TNKS: variants seen among roughly 807,000 people sequenced by gnomAD.
The protein encoded by TNKS is tankyrase, also known as poly [ADP-ribose] polymerase tankyrase-1.
Under a neutral mutation model 135.8 loss-of-function variants are expected in TNKS, and 72 were observed. That is an observed-to-expected ratio of 0.53 (90% confidence interval 0.44 to 0.64). The LOEUF (loss-of-function observed/expected upper bound fraction) is 0.64, where lower values mean the gene tolerates loss of function less well. TNKS is among the 30% of genes least tolerant of loss of function. The pLI is 0.00. For synonymous variants in TNKS, 849 were observed against 649.3 expected, an observed-to-expected ratio of 1.31 and a Z score of -4.68; for missense variants, 1,769 against 1,674.0, an observed-to-expected ratio of 1.06 and a Z score of -0.99.
At chr8:9,711,144 A>G (rs548609673) in intron 11 of TNKS, among the ~76,000 whole-genome samples, 28 of 152,182 alleles carry the variant, frequency 1.8e-4, no homozygotes, top group Non-Finnish European at 3.2e-4. Flanking sequence ...TAGACTCCCT[A>G]TGGAGCATAC....
At chr8:9,598,951 C>G (rs949979666) in intron 2 of TNKS, among the ~76,000 whole-genome samples, 1 of 151,316 alleles carries the variant, frequency 6.6e-6, no homozygotes, top group African/African-American at 2.4e-5. Flanking sequence ...TGAAGTGTTT[C>G]TCATGTTTAT....
At chr8:9,654,293 T>C (rs960270363) in intron 3 of TNKS, among the ~76,000 whole-genome samples, 2 of 152,220 alleles carry the variant, frequency 1.3e-5, no homozygotes, top group South Asian at 2.1e-4. Context: ...CCTACTGTGC[T>C]TTTCTATTTA....
chr8:9,663,717 C>T (rs1003455397), intron 3 of TNKS, among the ~76,000 whole-genome samples: 1 of 152,170 alleles, frequency 6.6e-6, no homozygotes, highest in Non-Finnish European at 1.5e-5. Context: ...GCCCACAGAA[C>T]TCAGGAAGAT....
At chr8:9,708,550 T>C in intron 9 of TNKS, 58 bp downstream of exon 9, 2 of 1,374,588 alleles carry the variant, frequency 1.5e-6, no homozygotes, top group Non-Finnish European at 1.9e-6. Context: ...AAGCACAAAA[T>C]ATGATTTTCA....
chr8:9,679,013 T>A (rs918151972), intron 3 of TNKS, among the ~76,000 whole-genome samples: 2 of 152,190 alleles, frequency 1.3e-5, no homozygotes, highest in African/African-American at 2.4e-5. Context: ...TCCTTGTCCT[T>A]CAATTGAGCT....
intron 2 of TNKS, among the ~76,000 whole-genome samples, chr8:9,591,182 A>C (rs564222436): frequency 2.0e-4 from 31 of 152,356 alleles, no homozygotes; most frequent in Non-Finnish European, 4.0e-4. Flanking sequence ...CTGTAAGCTT[A>C]GTAATAATTT....
chr8:9,776,420 T>A (rs993930369), intron 26 of TNKS, among the ~76,000 whole-genome samples: 2 of 152,222 alleles, frequency 1.3e-5, no homozygotes, highest in African/African-American at 4.8e-5. Flanking sequence ...TGGAGCTTAA[T>A]TGACAGTATT....
intron 3 of TNKS, among the ~76,000 whole-genome samples, chr8:9,673,123 C>A (rs967988331): frequency 1.3e-5 from 2 of 152,158 alleles, no homozygotes; most frequent in Non-Finnish European, 2.9e-5. Context: ...ACAATTGACA[C>A]CACATCAGAA....
intron 1 of TNKS, among the ~76,000 whole-genome samples, chr8:9,578,503 G>A (rs1423849078): frequency 6.6e-6 from 1 of 152,016 alleles, no homozygotes; most frequent in Non-Finnish European, 1.5e-5. Flanking sequence ...TATTTTCTAC[G>A]GAAACCTCAT....
At position 9,779,460 on chromosome 8, in the gene TNKS, C is replaced by T. The variant is rs1186065084; in HGVS notation, c.*2724C>T. 1.3e-5 allele frequency: 2 copies of T among 152,178 alleles called. No homozygotes were observed. The highest frequency in any genetic ancestry group is 1.9e-4 in the East Asian group (1 of 5,200). The allele number at this position is 152,178 out of a possible 1,614,324, so 9.4% of individuals were successfully genotyped here. Reference sequence around the variant, plus strand: ...TCTGAACGTCTCCACCGGCTCTACCCGAGTTCCAAAACTAAAGGGCTTCTC... The same window carrying T: ...TCTGAACGTCTCCACCGGCTCTACCTGAGTTCCAAAACTAAAGGGCTTCTC... On this transcript the variant is annotated 3_prime_UTR_variant, in exon 27 of 27. Coordinates refer to ENST00000310430, the MANE Select transcript of TNKS (RefSeq NM_003747.3).
intron 2 of TNKS, among the ~76,000 whole-genome samples, chr8:9,595,487 A>C (rs1340791121): frequency 1.3e-5 from 2 of 151,950 alleles, no homozygotes; most frequent in African/African-American, 4.8e-5. Context: ...AGTAGTGTGC[A>C]TTTACCTGAT....
At chr8:9,670,580 C>G (rs1563156927) in intron 3 of TNKS, 1 of 152,096 alleles carries the variant, frequency 6.6e-6, no homozygotes, top group East Asian at 1.9e-4. Flanking sequence ...GGAGTCATTC[C>G]TCCTCTTTTG....
chr8:9,749,203 C>G (rs1029481251), intron 18 of TNKS, among the ~76,000 whole-genome samples: 4 of 152,160 alleles, frequency 2.6e-5, no homozygotes, highest in Non-Finnish European at 5.9e-5. Flanking sequence ...AATTTCGTGG[C>G]CATCTTTAAT....
chr8:9,591,443 G>A (rs975423857), intron 2 of TNKS, among the ~76,000 whole-genome samples: 2 of 152,222 alleles, frequency 1.3e-5, no homozygotes, highest in East Asian at 1.9e-4. Flanking sequence ...ATGGATCCCT[G>A]AGAGTGGGAT....
rs1319419715 is a variant in TNKS at position 9,657,329 on chromosome 8, C to T, written c.995-22622C>T. Among the ~76,000 whole-genome samples the T allele has an allele frequency of 3.9e-4, 27 of 68,806 alleles. 1 individual carries two copies. Among genetic ancestry groups the T allele is most frequent in the South Asian group, 7.3e-4 (1 of 1,376 alleles). 45.1% of individuals were successfully genotyped at this position (68,806 alleles called of 152,430 possible). On this transcript the variant is annotated intron_variant, in intron 3 of 26. Coordinates refer to ENST00000310430, the MANE Select transcript of TNKS (RefSeq NM_003747.3). ...CCCCCCACCTCCCTCCCAGACGGGG[C>T]GGCTGGCCGGGCAGAGGGGCTCCTC...
chr8:9,726,584 C>A, intron 12 of TNKS, 57 bp from the exon 13 acceptor site: 1 of 1,252,670 alleles, frequency 8.0e-7, no homozygotes. Flanking sequence ...AAAATCAATG[C>A]AGTTGGAATA....
At chr8:9,654,214 A>G (rs139067657) in intron 3 of TNKS, among the ~76,000 whole-genome samples, 175 of 152,318 alleles carry the variant, frequency 1.1e-3, no homozygotes, top group African/African-American at 4.0e-3. Flanking sequence ...GAGGAGAGCA[A>G]TTCCCCAAAT....
rs190084000 is a variant in TNKS at position 9,762,997 on chromosome 8, C to T, written c.3275-150C>T. On this transcript the variant is annotated intron_variant, in intron 21 of 26. Transcript: ENST00000310430. ...TTTGAGTATATTTGTTTAAAGTAAC[C>T]GAATTTATCAGGTTCAAATTGCAGA... 3.9e-3 allele frequency: 1,559 copies of T among 402,064 alleles called. 6 individuals carry two copies. Among genetic ancestry groups the T allele is most frequent in the Non-Finnish European group, 5.6e-3 (1,289 of 230,186 alleles). The allele number at this position is 402,064 out of a possible 1,614,324, so 24.9% of individuals were successfully genotyped here. A position where few individuals can be genotyped will look rare whatever the true frequency, so the allele number is the denominator to read the frequency against.
rs1804160215 is a variant in TNKS at position 9,708,468 on chromosome 8, A to G, written c.1554A>G (p.Gln518=). ...TLALEIINFK[Q]PQSHETALHC... The stretch of plus-strand genomic sequence containing the variant: ...CTCTGGAAATCATTAATTTCAAACA[A>G]CCGCAGTCTCATGAAACAGCACTGG... Residue 518 remains glutamine (Q), a synonymous_variant, in exon 9 of 27, where the codon CAA becomes CAG. Coordinates refer to ENST00000310430, the MANE Select transcript of TNKS (RefSeq NM_003747.3). 1 of 1,607,526 alleles carries G rather than the reference A, an allele frequency of 6.2e-7. No individual in the cohort carries two copies. Among genetic ancestry groups the G allele is most frequent in the East Asian group, 2.2e-5 (1 of 44,586 alleles).
Sources: allele counts gnomAD v4.1 joint callset (sites outside exome capture counted in the v4.1 genomes callset), GRCh38; gene constraint gnomAD v4.1.1; transcripts MANE v1.5; gene names NCBI Gene and HGNC (gene_info 2026-07-23, HGNC 2026-07-21).